The following FAM90A1 variants were observed in gnomAD, a reference collection of about 807,000 sequenced individuals.
The protein encoded by FAM90A1 is family with sequence similarity 90 member A1.
In FAM90A1, 10 loss-of-function variants were observed where a neutral mutation model predicts 14.8. The observed-to-expected ratio is 0.67, with a 90% CI of 0.42 to 1.14. The LOEUF is 1.14. Ranked by LOEUF, FAM90A1 falls within the 50% of genes most tolerant of loss-of-function variation. The pLI is 0.00. For missense variants in FAM90A1, 567 were observed against 602.8 expected (o/e 0.94, Z 0.62); for synonymous variants, 236 against 248.4 (o/e 0.95, Z 0.47).
rs1332890277 is a variant in FAM90A1 at position 8,223,347 on chromosome 12, A to C, written c.432+102T>G. 2.9e-5 allele frequency: 20 copies of C among 700,048 alleles called. No homozygotes were observed. In the African/African-American group the frequency reaches 3.5e-4, roughly 12 times the overall value. 43.4% of individuals were successfully genotyped at this position (700,048 alleles called of 1,614,324 possible). A position where few individuals can be genotyped will look rare whatever the true frequency, so the allele number is the denominator to read the frequency against. ...AGTGTCTGACCCCAAGAAGGCAAGAAAGAGGGGTTCCCCGATTCCCTCCCG... is the reference window on the plus strand; with the variant it reads ...AGTGTCTGACCCCAAGAAGGCAAGACAGAGGGGTTCCCCGATTCCCTCCCG... On this transcript the variant is annotated intron_variant, in intron 6 of 6. Coordinates refer to ENST00000538603, the MANE Select transcript of FAM90A1 (RefSeq NM_018088.3).
Position 8,224,869 on chromosome 12 carries a change from G to A in FAM90A1, c.-37C>T. 1 of 1,603,954 alleles carries A rather than the reference G, an allele frequency of 6.2e-7. No homozygotes were observed. The highest frequency in any genetic ancestry group is 2.3e-4 in the Middle Eastern group (1 of 4,428). On this transcript the variant is annotated 5_prime_UTR_variant, in exon 4 of 7. Coordinates refer to ENST00000538603, the MANE Select transcript of FAM90A1 (RefSeq NM_018088.3). ...GGGGGTTTTATGACCGCCTTTTTCA[G>A]GGGTTGATTGTCGGGTCACCTGAAA...
chr12:8,225,663 A>G (rs113922311), intron 3 of FAM90A1, among the ~76,000 whole-genome samples, 173 bp downstream of exon 3: 1,756 of 147,230 alleles, frequency 0.012, 8 homozygotes, highest in African/African-American at 0.015. Context: ...TATCCCACAC[A>G]TGGAGACGGA....
rs151103337 is a variant in FAM90A1 at position 8,222,689 on chromosome 12, C to T, written c.528G>A (p.Arg176=). 5.0e-5 allele frequency: 81 copies of T among 1,609,356 alleles called. No homozygotes were observed. In the Admixed American group the frequency reaches 6.7e-4, roughly 13 times the overall value. Residue 176 remains arginine (R), a synonymous_variant, in exon 7 of 7, where the codon AGG becomes AGA. Transcript: ENST00000538603. The part of the protein sequence containing the change: ...SDRSATEMSD[R]GSVLASLSPL... The stretch of plus-strand genomic sequence containing the variant: ...GAGACAGTGAAGCTAAGACGGAGCC[C>T]CTGTCAGACATTTCGGTAGCTGAGC...
chr12:8,224,668 C>T, intron 4 of FAM90A1, 42 bp downstream of exon 4: 1 of 1,172,262 alleles, frequency 8.5e-7, no homozygotes. Flanking sequence ...CCCCCGCCCC[C>T]ACCCCCACCC....
At chr12:8,224,949 A>G in intron 3 of FAM90A1, 61 bp from the exon 4 acceptor site, 1 of 1,316,558 alleles carries the variant, frequency 7.6e-7, no homozygotes, top group Non-Finnish European at 1.1e-6. Context: ...TCACACACCC[A>G]CAGGAAGCCC....
At position 8,222,342 on chromosome 12, in the gene FAM90A1, C is replaced by G; in HGVS notation, c.875G>C (p.Arg292Thr). 6.2e-7 allele frequency: 1 copy of G among 1,611,718 alleles called. No individual in the cohort carries two copies. Among genetic ancestry groups the G allele is most frequent in the African/African-American group, 1.3e-5 (1 of 74,988 alleles). Residue 292 changes from arginine to threonine, a missense_variant, in exon 7 of 7, where the codon AGA becomes ACA. Transcript: ENST00000538603. Reference protein sequence around the residue: ...SNLSFGPGAKRSAPAPIQACL... With the variant: ...SNLSFGPGAKTSAPAPIQACL... ...AGCCTGAATCGGAGCCGGGGCAGAT[C>G]TCTTGGCTCCTGGCCCGAAGCTGAG...
chr12:8,221,653 C>G lies in FAM90A1; in HGVS notation c.*169G>C, dbSNP rs1243172097. 68 of 748,844 alleles carry G rather than the reference C, an allele frequency of 9.1e-5. No homozygotes were observed. The highest frequency in any genetic ancestry group is 8.2e-4 in the South Asian group (46 of 56,132). 46.4% of individuals were successfully genotyped at this position (748,844 alleles called of 1,614,324 possible). A position where few individuals can be genotyped will look rare whatever the true frequency, so the allele number is the denominator to read the frequency against. The stretch of plus-strand genomic sequence containing the variant: ...ACCAGAATTCAACGTGGCAGAGTCC[C>G]TGCATCTGCTCCCTGCCTGGCCTGG... On this transcript the variant is annotated 3_prime_UTR_variant, in exon 7 of 7. Coordinates refer to ENST00000538603, the MANE Select transcript of FAM90A1 (RefSeq NM_018088.3).
At position 8,221,349 on chromosome 12, in the gene FAM90A1, A is replaced by T; in HGVS notation, c.*473T>A. The T allele has an allele frequency of 4.7e-6, 1 of 213,338 alleles. No individual in the cohort carries two copies. Among genetic ancestry groups the T allele is most frequent in the Admixed American group, 5.2e-5 (1 of 19,246 alleles). 13.2% of individuals were successfully genotyped at this position (213,338 alleles called of 1,614,324 possible). On this transcript the variant is annotated 3_prime_UTR_variant, in exon 7 of 7. Coordinates refer to ENST00000538603, the MANE Select transcript of FAM90A1 (RefSeq NM_018088.3). ...CAGAGCCCACTTTTCGAGGCTGAGGAAAGACCCCGAGAGCGCTTTGCACAG... is the reference window on the plus strand; with the variant it reads ...CAGAGCCCACTTTTCGAGGCTGAGGTAAGACCCCGAGAGCGCTTTGCACAG...
In FAM90A1 at chr12:8,223,470, C is replaced by G; in HGVS notation, c.411G>C (p.Thr137=). ...TCACCCTCAGATAATCAGAAGATTC[C>G]GTGGATCCTTTTTGATTTGGCAGCG... The part of the protein sequence containing the change: ...EKPLPNQKGS[T]ESSDYLRVAS... The change falls in exon 6 of 7, where the codon ACG becomes ACC. Residue 137 remains threonine, a synonymous_variant. Coordinates refer to ENST00000538603, the MANE Select transcript of FAM90A1 (RefSeq NM_018088.3). The G allele has an allele frequency of 6.2e-7, 1 of 1,608,062 alleles. No homozygotes were observed. Among genetic ancestry groups the G allele is most frequent in the Non-Finnish European group, 8.5e-7 (1 of 1,176,280 alleles).
At position 8,222,411 on chromosome 12, in the gene FAM90A1, G is replaced by C. The variant is rs964122866; in HGVS notation, c.806C>G (p.Pro269Arg). Residue 269 changes from proline (P) to arginine (R), a missense_variant, in exon 7 of 7, where the codon CCC becomes CGC. Pro to Arg is a moderately radical substitution (Grantham distance 103). Transcript: ENST00000538603. ...QDKRPAVTSQ[P>R]CPPAATHSLG... is the part of the protein sequence containing the mutation. ...GCTGTGTGTGGCGGCTGGTGGGCAGGGCTGTGAGGTCACCGCAGGACGTTT... is the reference window on the plus strand; with the variant it reads ...GCTGTGTGTGGCGGCTGGTGGGCAGCGCTGTGAGGTCACCGCAGGACGTTT... 3 of 1,611,356 alleles carry C rather than the reference G, an allele frequency of 1.9e-6. No individual in the cohort carries two copies. In the African/African-American group the frequency reaches 4.0e-5, roughly 22 times the overall value.
intron 6 of FAM90A1, among the ~76,000 whole-genome samples, chr12:8,223,011 C>T (rs1948868492): frequency 6.6e-6 from 1 of 152,232 alleles, no homozygotes; most frequent in Admixed American, 6.5e-5. Flanking sequence ...CACCATTGTT[C>T]AAAAGATTGC....
In FAM90A1 at chr12:8,224,002, C is replaced by T; in HGVS notation, c.323+14G>A. Reference sequence around the variant, plus strand: ...AGTACCCTAAGAGTGGTGAAAACCACTCCCACTGCTCACCTTGGTCTCTCT... The same window carrying T: ...AGTACCCTAAGAGTGGTGAAAACCATTCCCACTGCTCACCTTGGTCTCTCT... On this transcript the variant is annotated intron_variant, in intron 5 of 6. Transcript: ENST00000538603. 1.2e-6 allele frequency: 2 copies of T among 1,611,508 alleles called. No homozygotes were observed. The highest frequency in any genetic ancestry group is 1.7e-6 in the Non-Finnish European group (2 of 1,179,406).
intron 2 of FAM90A1, 129 bp downstream of exon 2, chr12:8,226,143 G>A (rs1291059176): frequency 1.3e-5 from 2 of 152,374 alleles, no homozygotes; most frequent in East Asian, 1.9e-4. Context: ...TACGTGTACA[G>A]CTGCAAGCTT....
chr12:8,222,581 C>G lies in FAM90A1; in HGVS notation c.636G>C (p.Gln212His), dbSNP rs1457620882. 1 of 1,611,910 alleles carries G rather than the reference C, an allele frequency of 6.2e-7. No individual in the cohort carries two copies. The highest frequency in any genetic ancestry group is 8.5e-7 in the Non-Finnish European group (1 of 1,179,886). ...CGGGGCCCTGGTGCCTGACTGCAGTCTGAGGGATGTCGGCCGCAGCCCCTG... is the reference window on the plus strand; with the variant it reads ...CGGGGCCCTGGTGCCTGACTGCAGTGTGAGGGATGTCGGCCGCAGCCCCTG... Reference protein sequence around the residue: ...RQTGAAADIPQTAVRHQGPEP... With the variant: ...RQTGAAADIPHTAVRHQGPEP... The change falls in exon 7 of 7, where the codon CAG (glutamine) becomes CAC (histidine). Residue 212 changes from glutamine (Q) to histidine (H), a missense_variant. By Grantham distance (24) the Gln-to-His change is conservative. Transcript: ENST00000538603.
At position 8,224,823 on chromosome 12, in the gene FAM90A1, G is replaced by A. The variant is rs76746581; in HGVS notation, c.10C>T (p.Arg4Cys). The A allele has an allele frequency of 1.1e-5, 18 of 1,604,718 alleles. No individual in the cohort carries two copies. The East Asian group carries it at 1.3e-4, about 12-fold the overall frequency. The part of the protein sequence containing the change: MMA[R>C]RDPKPGAKRL... Reference sequence around the variant, plus strand: ...TTTGCCCCAGGTTTGGGGTCACGACGTGCCATCATCTTCGTCTCCTGGGGG... The same window carrying A: ...TTTGCCCCAGGTTTGGGGTCACGACATGCCATCATCTTCGTCTCCTGGGGG... The change falls in exon 4 of 7, where the codon CGT (arginine) becomes TGT (cysteine). Residue 4 changes from arginine (R) to cysteine (C), a missense_variant. Physicochemically the swap from Arg to Cys is radical, Grantham distance 180 (BLOSUM62 -3). Coordinates refer to ENST00000538603, the MANE Select transcript of FAM90A1 (RefSeq NM_018088.3).
chr12:8,222,729 G>C lies in FAM90A1; in HGVS notation c.488C>G (p.Pro163Arg). 6.2e-7 allele frequency: 1 copy of C among 1,604,898 alleles called. No individual in the cohort carries two copies. The change falls in exon 7 of 7, where the codon CCT (proline) becomes CGT (arginine). Residue 163 changes from proline to arginine, a missense_variant. Pro to Arg is a moderately radical substitution (Grantham distance 103). Coordinates refer to ENST00000538603, the MANE Select transcript of FAM90A1 (RefSeq NM_018088.3). ...GGTAGCTGAGCGATCAGAGAGGACAGGGTCCACACGCGGCCTCTTACTGGT... is the reference window on the plus strand; with the variant it reads ...GGTAGCTGAGCGATCAGAGAGGACACGGTCCACACGCGGCCTCTTACTGGT... ...HTTSKRPRVD[P>R]VLSDRSATEM...
rs185886561 is a variant in FAM90A1 at position 8,226,894 on chromosome 12, G to A, written c.-420-416C>T. On this transcript the variant is annotated intron_variant, in intron 1 of 6. Transcript: ENST00000538603. Reference sequence around the variant, plus strand: ...GATCTCAGCTCACTGCAACCTCCGCGTCTCACAGTCAAGCAATTCTCATGC... The same window carrying A: ...GATCTCAGCTCACTGCAACCTCCGCATCTCACAGTCAAGCAATTCTCATGC... Among the ~76,000 whole-genome samples, 24 of 139,308 alleles carry A rather than the reference G, an allele frequency of 1.7e-4. No individual in the cohort carries two copies. The East Asian group carries it at 2.6e-3, about 15-fold the overall frequency. 91.4% of individuals were successfully genotyped at this position (139,308 alleles called of 152,430 possible).
intron 5 of FAM90A1, 82 bp from the exon 6 acceptor site, chr12:8,223,639 T>C: frequency 1.1e-6 from 1 of 870,224 alleles, no homozygotes; most frequent in Non-Finnish European, 2.0e-6. Flanking sequence ...CCCAGTCCCA[T>C]TCCGTGTTTT....
At position 8,222,594 on chromosome 12, in the gene FAM90A1, G is replaced by A. The variant is rs1470626724; in HGVS notation, c.623C>T (p.Ala208Val). 1.9e-6 allele frequency: 3 copies of A among 1,612,006 alleles called. No homozygotes were observed. The highest frequency in any genetic ancestry group is 2.5e-6 in the Non-Finnish European group (3 of 1,179,866). ...GPKERQTGAAADIPQTAVRHQ... is the reference protein window; with the variant it reads ...GPKERQTGAAVDIPQTAVRHQ... The stretch of plus-strand genomic sequence containing the variant: ...CCTGACTGCAGTCTGAGGGATGTCG[G>A]CCGCAGCCCCTGTCTGTCTTTCCTT... The change falls in exon 7 of 7, where the codon GCC (alanine) becomes GTC (valine). Residue 208 changes from alanine (A) to valine (V), a missense_variant. Physicochemically the swap from Ala to Val is moderately conservative, Grantham distance 64 (BLOSUM62 0). Coordinates refer to ENST00000538603, the MANE Select transcript of FAM90A1 (RefSeq NM_018088.3).
Sources: allele counts gnomAD v4.1 joint callset (sites outside exome capture counted in the v4.1 genomes callset), GRCh38; gene constraint gnomAD v4.1.1; transcripts MANE v1.5; gene names NCBI Gene and HGNC (gene_info 2026-07-23, HGNC 2026-07-21).